SMAP1: variants seen among roughly 807,000 people sequenced by gnomAD.
The protein encoded by SMAP1 is stromal membrane-associated protein 1.
Under a neutral mutation model 58.5 loss-of-function variants are expected in SMAP1, and 24 were observed. The ratio of observed to expected loss-of-function variants is 0.41; its 90% confidence interval spans 0.30 to 0.58. SMAP1 has a LOEUF of 0.58. SMAP1 is among the 20% of genes least tolerant of loss of function. The pLI is 0.29. For synonymous variants in SMAP1, 216 were observed against 196.6 expected (o/e 1.10, Z -0.82); for missense variants, 563 against 566.3 (o/e 0.99, Z 0.06).
Position 70,858,030 on chromosome 6 carries a change from G to A in SMAP1, c.1070G>A (p.Gly357Glu), listed in dbSNP as rs1337614969. The A allele has an allele frequency of 6.2e-7, 1 of 1,614,120 alleles. No individual in the cohort carries two copies. Among genetic ancestry groups the A allele is most frequent in the South Asian group, 1.1e-5 (1 of 91,082 alleles). Residue 357 changes from glycine to glutamate, a missense_variant, in exon 10 of 11, where the codon GGA (glycine) becomes GAA (glutamate). Around this residue, in one of 3 missense-constraint regions of SMAP1, gnomAD observed 494 missense variants for 473.8 expected, o/e 1.04. Transcript: ENST00000370455. ...GTGCCTGCAGCTCCTGGCCTTATAGGAAATGTGATGGGACAGAGTCCAAGC... is the reference window on the plus strand; with the variant it reads ...GTGCCTGCAGCTCCTGGCCTTATAGAAAATGTGATGGGACAGAGTCCAAGC... ...VPVPAAPGLI[G>E]NVMGQSPSMM...
intron 3 of SMAP1, among the ~76,000 whole-genome samples, chr6:70,766,363 C>T (rs1399459358): frequency 6.6e-6 from 1 of 152,196 alleles, no homozygotes; most frequent in Non-Finnish European, 1.5e-5. Context: ...TTCCCACCAA[C>T]AGTGTAAAAG....
At chr6:70,725,246 A>T (rs1489818807) in intron 1 of SMAP1, among the ~76,000 whole-genome samples, 2 of 151,500 alleles carry the variant, frequency 1.3e-5, no homozygotes, top group African/African-American at 4.9e-5. Flanking sequence ...TCTCCCGAGT[A>T]GCTGGGACTA....
chr6:70,831,915 G>A (rs926529203), intron 6 of SMAP1, among the ~76,000 whole-genome samples: 23 of 152,036 alleles, frequency 1.5e-4, no homozygotes, highest in African/African-American at 2.4e-4. Flanking sequence ...TCTCCACAGC[G>A]TTGCCAGCAT....
At chr6:70,811,663 C>G (rs541940648) in intron 6 of SMAP1, among the ~76,000 whole-genome samples, 1 of 152,194 alleles carries the variant, frequency 6.6e-6, no homozygotes, top group South Asian at 2.1e-4. Context: ...ATTGCACATC[C>G]TCCCATATAC....
At chr6:70,691,896 A>G (rs781030525) in intron 1 of SMAP1, among the ~76,000 whole-genome samples, 6 of 152,202 alleles carry the variant, frequency 3.9e-5, no homozygotes, top group Non-Finnish European at 7.3e-5. Flanking sequence ...AATGTTGGCT[A>G]TTGTGAATAG....
intron 3 of SMAP1, among the ~76,000 whole-genome samples, chr6:70,760,432 G>C (rs1766701751): frequency 6.6e-6 from 1 of 152,064 alleles, no homozygotes; most frequent in South Asian, 2.1e-4. Context: ...CTTATGTTAA[G>C]AGTATAAGAT....
chr6:70,819,835 AG>A (rs1283684684), intron 6 of SMAP1, among the ~76,000 whole-genome samples: 1 of 152,262 alleles, frequency 6.6e-6, no homozygotes, highest in Non-Finnish European at 1.5e-5. Flanking sequence ...TCTGAATTAC[AG>A]TAATATGCTT....
chr6:70,670,321 A>T (rs1247533823), intron 1 of SMAP1, among the ~76,000 whole-genome samples: 3 of 152,152 alleles, frequency 2.0e-5, no homozygotes, highest in Non-Finnish European at 4.4e-5. Flanking sequence ...AAATAATTTC[A>T]TTGTTTTATC....
chr6:70,700,242 C>T (rs183887545), intron 1 of SMAP1, among the ~76,000 whole-genome samples: 74 of 152,318 alleles, frequency 4.9e-4, no homozygotes, highest in Admixed American at 2.8e-3. Context: ...CTGAGGCTTC[C>T]GCAGAAGCCA....
rs1771451840 is a variant in SMAP1, at chr6:70,856,973, A to G, written c.904A>G (p.Lys302Glu). The change falls in exon 9 of 11, where the codon AAA (lysine) becomes GAA (glutamate). Residue 302 changes from lysine to glutamate, a missense_variant. Transcript: ENST00000370455. ...AGAAGTGGCAAAGAAACAACTTTCC[A>G]AAGACTCCATCTTATCTCTGTATGG... ...SEEVAKKQLS[K>E]DSILSLYGTG... The G allele has an allele frequency of 6.2e-7, 1 of 1,613,934 alleles. No homozygotes were observed. Among genetic ancestry groups the G allele is most frequent in the Non-Finnish European group, 8.5e-7 (1 of 1,179,920 alleles).
chr6:70,826,206 A>G (rs1185805291), intron 6 of SMAP1, among the ~76,000 whole-genome samples: 2 of 152,188 alleles, frequency 1.3e-5, no homozygotes, highest in East Asian at 1.9e-4. Context: ...AGTATTTGGG[A>G]TGAATAATAA....
At chr6:70,754,942 T>C in intron 2 of SMAP1, 38 bp from the exon 3 acceptor site, 1 of 1,334,324 alleles carries the variant, frequency 7.5e-7, no homozygotes, top group Middle Eastern at 2.0e-4. Context: ...CACTTTTTAA[T>C]GTTTATGTGA....
intron 1 of SMAP1, among the ~76,000 whole-genome samples, chr6:70,705,707 AAGGG>A (rs1300576983): frequency 6.6e-6 from 1 of 152,172 alleles, no homozygotes; most frequent in African/African-American, 2.4e-5. Context: ...TTGTCAGTAA[AAGGG>A]AGGGGAGTGA....
intron 3 of SMAP1, among the ~76,000 whole-genome samples, chr6:70,757,221 T>C (rs1265574574): frequency 2.0e-5 from 3 of 149,334 alleles, no homozygotes; most frequent in Non-Finnish European, 4.5e-5. Context: ...GCCGCATATC[T>C]ACAACTATCT....
At position 70,795,882 on chromosome 6, in the gene SMAP1, C is replaced by T. The variant is rs184093055; in HGVS notation, c.496-2775C>T. On this transcript the variant is annotated intron_variant, in intron 5 of 10. Transcript: ENST00000370455. ...CCTCCCAAGTAGCTGGGATTACAGGCGCCCGCCACCACGCCCGGCTAATTT... is the reference window on the plus strand; with the variant it reads ...CCTCCCAAGTAGCTGGGATTACAGGTGCCCGCCACCACGCCCGGCTAATTT... Among the ~76,000 whole-genome samples the T allele has an allele frequency of 2.2e-3, 337 of 151,948 alleles. 3 individuals are homozygous for T. The highest frequency in any genetic ancestry group is 7.5e-3 in the African/African-American group (312 of 41,454).
intron 3 of SMAP1, among the ~76,000 whole-genome samples, chr6:70,769,338 G>A (rs1582147259): frequency 6.6e-6 from 1 of 152,264 alleles, no homozygotes; most frequent in East Asian, 1.9e-4. Flanking sequence ...TCTGTCTAAT[G>A]TTGACAGTGG....
intron 1 of SMAP1, among the ~76,000 whole-genome samples, chr6:70,694,913 T>C (rs1274438351): frequency 6.6e-6 from 1 of 152,226 alleles, no homozygotes; most frequent in Non-Finnish European, 1.5e-5. Flanking sequence ...AATCCAATAT[T>C]GAATCTTTCA....
intron 8 of SMAP1, 41 bp downstream of exon 8, chr6:70,852,705 T>C (rs767364270): frequency 2.0e-6 from 3 of 1,473,192 alleles, no homozygotes; most frequent in Admixed American, 4.9e-5. Context: ...CACTGCTTAT[T>C]TCCTTTTTGA....
intron 6 of SMAP1, among the ~76,000 whole-genome samples, chr6:70,836,246 C>T (rs1006967481): frequency 1.3e-5 from 2 of 152,126 alleles, no homozygotes; most frequent in African/African-American, 4.8e-5. Context: ...GCCTCACAAT[C>T]ATGATGGAAG....
Sources: allele counts gnomAD v4.1 joint callset (sites outside exome capture counted in the v4.1 genomes callset), GRCh38; gene constraint gnomAD v4.1.1; regional missense constraint gnomAD v4.1.1; transcripts MANE v1.5; gene names NCBI Gene and HGNC (gene_info 2026-07-23, HGNC 2026-07-21).